Variants in CACNA2D3 observed in about 807,000 individuals in gnomAD.
CACNA2D3 encodes voltage-dependent calcium channel subunit alpha-2/delta-3.
Under a neutral mutation model 160.6 loss-of-function variants are expected in CACNA2D3, and 60 were observed. That is an observed-to-expected ratio of 0.37 (90% CI 0.30 to 0.46). CACNA2D3 has a LOEUF of 0.46. Ranked by LOEUF, CACNA2D3 falls within the 20% of genes least tolerant of loss-of-function variation. CACNA2D3 has a pLI of 1.00. For synonymous variants in CACNA2D3, 558 were observed against 492.9 expected (o/e 1.13, Z -1.75); for missense variants, 1,205 against 1,365.0 (o/e 0.88, Z 1.85).
At chr3:54,808,840 G>T (rs1352737552) in intron 13 of CACNA2D3, among the ~76,000 whole-genome samples, 1 of 152,126 alleles carries the variant, frequency 6.6e-6, no homozygotes, top group Non-Finnish European at 1.5e-5. Flanking sequence ...TACCAGGTCT[G>T]TAGGGTCACC....
At chr3:54,845,151 G>T (rs1698906311) in intron 16 of CACNA2D3, among the ~76,000 whole-genome samples, 2 of 64,076 alleles carry the variant, frequency 3.1e-5, no homozygotes, top group African/African-American at 1.1e-4. Context: ...GACTTGCTGT[G>T]CAAGGTAACT....
intron 35 of CACNA2D3, among the ~76,000 whole-genome samples, chr3:55,050,566 C>T (rs1185545372): frequency 6.8e-6 from 1 of 146,344 alleles, no homozygotes; most frequent in Non-Finnish European, 1.5e-5. Flanking sequence ...TTTGGTGAAT[C>T]TGACAATTAT....
intron 2 of CACNA2D3, among the ~76,000 whole-genome samples, chr3:54,293,426 C>T (rs1249502802): frequency 6.6e-6 from 1 of 152,060 alleles, no homozygotes; most frequent in Non-Finnish European, 1.5e-5. Context: ...AGCTTAGCTC[C>T]CATTTATGAG....
intron 11 of CACNA2D3, among the ~76,000 whole-genome samples, chr3:54,701,749 A>G (rs1040549472): frequency 6.6e-6 from 1 of 152,218 alleles, no homozygotes; most frequent in Non-Finnish European, 1.5e-5. Flanking sequence ...AAACTATTCT[A>G]AAATTTTCAT....
chr3:54,301,418 C>A (rs1048748387), intron 2 of CACNA2D3, among the ~76,000 whole-genome samples: 4 of 152,060 alleles, frequency 2.6e-5, no homozygotes, highest in African/African-American at 7.2e-5. Context: ...GACCTATGAT[C>A]ATGACACTGA....
chr3:54,126,364 A>G (rs567710563), intron 2 of CACNA2D3, among the ~76,000 whole-genome samples: 1 of 152,366 alleles, frequency 6.6e-6, no homozygotes, highest in South Asian at 2.1e-4. Context: ...AGGTAGCAGT[A>G]TTGTTACTGA....
At chr3:54,672,894 C>T (rs753060838) in intron 11 of CACNA2D3, among the ~76,000 whole-genome samples, 1 of 152,172 alleles carries the variant, frequency 6.6e-6, no homozygotes, top group Non-Finnish European at 1.5e-5. Context: ...ATACCAATGA[C>T]AACGATTGTG....
intron 27 of CACNA2D3, among the ~76,000 whole-genome samples, chr3:54,936,106 A>G (rs1559636796): frequency 6.6e-6 from 1 of 151,836 alleles, no homozygotes; most frequent in Non-Finnish European, 1.5e-5. Flanking sequence ...GTGCAAAGGA[A>G]CCCAGCTTGC....
At chr3:54,175,342 C>T (rs772451081) in intron 2 of CACNA2D3, among the ~76,000 whole-genome samples, 4 of 152,110 alleles carry the variant, frequency 2.6e-5, no homozygotes, top group Non-Finnish European at 4.4e-5. Context: ...TAAGGCCGGG[C>T]GCGGTGGTTT....
At chr3:54,526,419 GA>G (rs1701723698) in intron 5 of CACNA2D3, among the ~76,000 whole-genome samples, 1 of 152,070 alleles carries the variant, frequency 6.6e-6, no homozygotes, top group Non-Finnish European at 1.5e-5. Flanking sequence ...ATTTTTATTA[GA>G]AACTGGACAT....
chr3:54,352,662 G>A (rs1698584522), intron 3 of CACNA2D3, among the ~76,000 whole-genome samples: 1 of 152,180 alleles, frequency 6.6e-6, no homozygotes, highest in South Asian at 2.1e-4. Context: ...CGCAGTTTGG[G>A]GTACTTCCAC....
At chr3:54,936,927 A>G (rs1397054163) in intron 27 of CACNA2D3, among the ~76,000 whole-genome samples, 1 of 152,144 alleles carries the variant, frequency 6.6e-6, no homozygotes, top group East Asian at 1.9e-4. Flanking sequence ...TCTCACTGCT[A>G]CGGCTGATGT....
rs189455778 is a variant in CACNA2D3 at position 54,737,294 on chromosome 3, A to C, written c.1168-15305A>C. Among the ~76,000 whole-genome samples the C allele has an allele frequency of 3.2e-4, 49 of 152,176 alleles. 1 individual carries two copies. The East Asian group carries it at 8.9e-3, about 28-fold the overall frequency. On this transcript the variant is annotated intron_variant, in intron 11 of 37. Coordinates refer to ENST00000474759, the MANE Select transcript of CACNA2D3 (RefSeq NM_018398.3). ...ACCATGTGCTATGCAGAAAACCAACAGAGGCCAAGGCAGAGACTAAAAAGG... is the reference window on the plus strand; with the variant it reads ...ACCATGTGCTATGCAGAAAACCAACCGAGGCCAAGGCAGAGACTAAAAAGG...
At chr3:55,031,477 T>C (rs570757494) in intron 35 of CACNA2D3, among the ~76,000 whole-genome samples, 2 of 152,346 alleles carry the variant, frequency 1.3e-5, no homozygotes, top group South Asian at 4.1e-4. Context: ...GCATGTTGAA[T>C]ATAGATACAA....
chr3:55,033,870 A>ATTT (rs1703754931), intron 35 of CACNA2D3, among the ~76,000 whole-genome samples: 1 of 127,630 alleles, frequency 7.8e-6, no homozygotes, highest in African/African-American at 2.9e-5. Context: ...TTTAATATAT[A>ATTT]ATATATATTA....
At chr3:54,821,825 C>G (rs1449035122) in intron 14 of CACNA2D3, among the ~76,000 whole-genome samples, 3 of 151,728 alleles carry the variant, frequency 2.0e-5, no homozygotes, top group Non-Finnish European at 4.4e-5. Flanking sequence ...CAGATTTCAG[C>G]AATTGCGAGG....
At chr3:54,684,229 G>T (rs1700408164) in intron 11 of CACNA2D3, among the ~76,000 whole-genome samples, 1 of 151,916 alleles carries the variant, frequency 6.6e-6, no homozygotes, top group Admixed American at 6.6e-5. Context: ...CAAAGTGCTG[G>T]GATTACAGCT....
intron 13 of CACNA2D3, among the ~76,000 whole-genome samples, chr3:54,794,106 A>G (rs751129562): frequency 3.3e-5 from 5 of 152,178 alleles, no homozygotes; most frequent in Admixed American, 6.5e-5. Context: ...TTTTATATAT[A>G]ATGATCACAC....
intron 27 of CACNA2D3, chr3:54,927,844 G>A: frequency 6.4e-7 from 1 of 1,571,780 alleles, no homozygotes; most frequent in Non-Finnish European, 8.8e-7. Context: ...ATACCTTTGT[G>A]AGGGGATACC....
Sources: gnomAD v4.1 joint callset for allele counts (sites outside exome capture counted in the v4.1 genomes callset) on GRCh38, gnomAD v4.1.1 for gene constraint, MANE v1.5 for transcripts, NCBI Gene and HGNC (gene_info 2026-07-23, HGNC 2026-07-21) for gene names.